SUN1: variants seen among roughly 807,000 people sequenced by gnomAD.
SUN1 encodes Sad1 and UNC84 domain containing 1, also known as SUN domain-containing protein 1.
A neutral mutation model predicts 103.2 loss-of-function variants in SUN1; 61 were observed. The ratio of observed to expected loss-of-function variants is 0.59; its 90% CI spans 0.48 to 0.73. The LOEUF (loss-of-function observed/expected upper bound fraction) is 0.73. SUN1 is among the 30% of genes least tolerant of loss of function. The pLI, the probability that SUN1 is intolerant of heterozygous loss-of-function variation, is 0.00. For synonymous variants in SUN1, 490 were observed against 425.7 expected, an observed-to-expected ratio of 1.15 and a Z score of -1.86; for missense variants, 1,052 against 1,034.6, an observed-to-expected ratio of 1.02 and a Z score of -0.23.
intron 5 of SUN1, chr7:850,032 A>T (rs755411077): frequency 2.5e-6 from 4 of 1,584,464 alleles, no homozygotes; most frequent in Middle Eastern, 1.7e-4. Context: ...GGGCATGTGC[A>T]GGTTGTCTCT....
At chr7:821,832 C>T (rs560850870) in intron 1 of SUN1, among the ~76,000 whole-genome samples, 1 of 152,268 alleles carries the variant, frequency 6.6e-6, no homozygotes, top group African/African-American at 2.4e-5. Flanking sequence ...GTTCCCACAT[C>T]GGGGTTCATC....
Position 874,880 on chromosome 7 carries a change from AAG to A in SUN1, c.*1552_*1553del, listed in dbSNP as rs1162834107. ...AAGATGCTATTAAGAGGTTTAAATAAAGAGTTTTAATTTTTAAAAGGGCATGG... is the reference window on the plus strand; with the variant it reads ...AAGATGCTATTAAGAGGTTTAAATAAAGTTTTAATTTTTAAAAGGGCATGG... On this transcript the variant is annotated 3_prime_UTR_variant, in exon 19 of 19. Transcript: ENST00000401592. 6.6e-6 allele frequency: 1 copy of A among 152,222 alleles called. No homozygotes were observed. The highest frequency in any genetic ancestry group is 1.9e-4 in the East Asian group (1 of 5,206). 9.4% of individuals were successfully genotyped at this position (152,222 alleles called of 1,614,324 possible).
intron 1 of SUN1, among the ~76,000 whole-genome samples, chr7:819,299 C>T (rs1783846121): frequency 6.6e-6 from 1 of 151,266 alleles, no homozygotes; most frequent in African/African-American, 2.4e-5. Context: ...TGTCTCTTCA[C>T]TCTCTTGTTG....
At chr7:837,345 TC>T (rs1276316588) in intron 1 of SUN1, among the ~76,000 whole-genome samples, 1 of 152,312 alleles carries the variant, frequency 6.6e-6, no homozygotes, top group African/African-American at 2.4e-5. Context: ...TTGGTCCGGC[TC>T]CCCTGAGCTG....
chr7:817,554 G>A lies in SUN1; in HGVS notation c.-74+881G>A, dbSNP rs988930847. On this transcript the variant is annotated intron_variant, in intron 1 of 17. Coordinates refer to the SUN1 transcript ENST00000389574. Reference sequence around the variant, plus strand: ...TCGCTTTGCAGCTTGTGGTTGCTGCGTCTGGCTCTGATTCCGGGTGGGAAG... The same window carrying A: ...TCGCTTTGCAGCTTGTGGTTGCTGCATCTGGCTCTGATTCCGGGTGGGAAG... 6 of 1,528,134 alleles carry A rather than the reference G, an allele frequency of 3.9e-6. No individual in the cohort carries two copies. In the African/African-American group the frequency reaches 8.2e-5, roughly 21 times the overall value. 94.7% of individuals were successfully genotyped at this position (1,528,134 alleles called of 1,614,324 possible).
chr7:855,048 A>G, intron 11 of SUN1, 42 bp downstream of exon 11: 1 of 1,441,650 alleles, frequency 6.9e-7, no homozygotes, highest in Non-Finnish European at 9.7e-7. Context: ...ATAAAAAGAA[A>G]ATCAACTATG....
At chr7:829,931 T>C (rs961694788), upstream of SUN1, among the ~76,000 whole-genome samples, 2 of 152,228 alleles carry the variant, frequency 1.3e-5, no homozygotes, top group African/African-American at 4.8e-5. Context: ...GACGCCTGAG[T>C]GCTTGTCACC....
chr7:842,403 G>C, intron 3 of SUN1: 1 of 453,212 alleles, frequency 2.2e-6, no homozygotes. Flanking sequence ...CTAACGTGTA[G>C]TGACTAGTTC....
chr7:852,575 T>G (rs751456396), intron 7 of SUN1, 34 bp from the exon 8 acceptor site: 1 of 1,613,850 alleles, frequency 6.2e-7, no homozygotes, highest in East Asian at 2.2e-5. Context: ...ACTTTCATTT[T>G]TTCTAAGTCA....
intron 17 of SUN1, among the ~76,000 whole-genome samples, chr7:870,101 G>C (rs1840355248): frequency 6.6e-6 from 1 of 151,534 alleles, no homozygotes; most frequent in Non-Finnish European, 1.5e-5. Context: ...AGATACCTGG[G>C]AGGCTGAGGC....
intron 1 of SUN1, among the ~76,000 whole-genome samples, chr7:836,937 G>A (rs1393021376): frequency 2.0e-5 from 3 of 152,340 alleles, no homozygotes; most frequent in East Asian, 1.9e-4. Flanking sequence ...AGGTGGTGAC[G>A]TCAGACGTGG....
Position 842,100 on chromosome 7 carries a change from C to A in SUN1, c.421C>A (p.Arg141Ser). 6.2e-7 allele frequency: 1 copy of A among 1,614,190 alleles called. No individual in the cohort carries two copies. The change falls in exon 3 of 19, where the codon CGT becomes AGT. Residue 141 changes from arginine to serine, a missense_variant. Around this residue, in one of 2 missense-constraint regions of SUN1, gnomAD observed 846 missense variants for 774.5 expected, o/e 1.09. Transcript: ENST00000401592. ...TCCTGTATTGGACGAGTCTTGGATT[C>A]GTGAACAGACCACAGTGGACCACTT... ...RPPVLDESWI[R>S]EQTTVDHFWG...
intron 12 of SUN1, among the ~76,000 whole-genome samples, chr7:857,038 A>G (rs9655182): frequency 0.62 from 93,733 of 152,078 alleles, 29,285 homozygotes; most frequent in East Asian, 0.8. Context: ...CCACACGACC[A>G]CTGATTTGCC....
rs1158208236 is a variant in SUN1, at chr7:873,086, C to T, written c.2242-129C>T. ...TGGGTGACAGGGCAAGACTCTGTCT[C>T]AACAACAACAACAAAAGGTTAATTT... is the stretch of plus-strand genomic sequence containing the variant. On this transcript the variant is annotated intron_variant, in intron 18 of 18. Transcript: ENST00000401592. The T allele has an allele frequency of 4.7e-6, 4 of 854,648 alleles. No individual in the cohort carries two copies. The African/African-American group carries it at 5.0e-5, about 11-fold the overall frequency. 52.9% of individuals were successfully genotyped at this position (854,648 alleles called of 1,614,324 possible).
upstream of SUN1, among the ~76,000 whole-genome samples, chr7:831,373 G>A (rs1562534564): frequency 6.6e-6 from 1 of 151,314 alleles, no homozygotes. Flanking sequence ...CCGGGTTCAT[G>A]CCATTCTCCT....
Position 874,916 on chromosome 7 carries a change from CA to C in SUN1, c.*1586del, listed in dbSNP as rs1319668009. On this transcript the variant is annotated 3_prime_UTR_variant, in exon 19 of 19. Coordinates refer to ENST00000401592, the MANE Select transcript of SUN1 (RefSeq NM_001130965.3). ...TTTTTAAAAGGGCATGGGATATAAACAGTCTATTTCTTTTCTCAGTTTGTCT... is the reference window on the plus strand; with the variant it reads ...TTTTTAAAAGGGCATGGGATATAAACGTCTATTTCTTTTCTCAGTTTGTCT... 1.3e-5 allele frequency: 2 copies of C among 151,992 alleles called. No homozygotes were observed. The highest frequency in any genetic ancestry group is 2.4e-5 in the African/African-American group (1 of 41,354). 9.4% of individuals were successfully genotyped at this position (151,992 alleles called of 1,614,324 possible).
chr7:818,497 T>G (rs1388327232), intron 1 of SUN1, among the ~76,000 whole-genome samples: 1 of 152,248 alleles, frequency 6.6e-6, no homozygotes, highest in Non-Finnish European at 1.5e-5. Context: ...GCAGCTACTA[T>G]GAACATTTGT....
chr7:869,666 C>G, intron 17 of SUN1, 150 bp downstream of exon 17: 1 of 974,072 alleles, frequency 1.0e-6, no homozygotes, highest in Non-Finnish European at 1.5e-6. Context: ...CATTCCAGTG[C>G]TTTTCTAGGG....
At position 873,460 on chromosome 7, in the gene SUN1, G is replaced by A; in HGVS notation, c.*129G>A. On this transcript the variant is annotated 3_prime_UTR_variant, in exon 19 of 19. Transcript: ENST00000401592. ...CACTCCTTCAATAAACGTGGCTGCT[G>A]GCCAGAGGACGTGAGCGTGTGACGG... The A allele has an allele frequency of 2.1e-6, 2 of 950,540 alleles. No individual in the cohort carries two copies. The highest frequency in any genetic ancestry group is 1.6e-5 in the South Asian group (1 of 63,410). 58.9% of individuals were successfully genotyped at this position (950,540 alleles called of 1,614,324 possible).
Sources: allele counts gnomAD v4.1 joint callset (sites outside exome capture counted in the v4.1 genomes callset), GRCh38; gene constraint gnomAD v4.1.1; regional missense constraint gnomAD v4.1.1; transcripts MANE v1.5; gene names NCBI Gene and HGNC (gene_info 2026-07-23, HGNC 2026-07-21).